The following SELENOF variants were observed in gnomAD, a reference collection of about 807,000 sequenced individuals.
SELENOF encodes selenoprotein F.
A neutral mutation model predicts 20.5 loss-of-function variants in SELENOF; 16 were observed. That is an observed-to-expected ratio of 0.78 (90% confidence interval 0.53 to 1.19). The LOEUF is 1.19. Among genes scored for constraint, SELENOF ranks in the 50% most tolerant of loss-of-function variants. The pLI is 0.00. For synonymous variants in SELENOF, 78 were observed against 74.5 expected (o/e 1.05, Z -0.24); for missense variants, 215 against 194.2 (o/e 1.11, Z -0.64).
At chr1:86,894,893 G>A (rs1217287576) in intron 2 of SELENOF, among the ~76,000 whole-genome samples, 2 of 152,008 alleles carry the variant, frequency 1.3e-5, no homozygotes, top group East Asian at 3.8e-4. Flanking sequence ...AGAAAATTAA[G>A]CTCCACTTTA....
Position 86,863,175 on chromosome 1 carries a change from A to C in SELENOF, c.*299T>G, listed in dbSNP as rs1433576340. ...AATTTAGAAATCTGTTGTTCGTAAA[A>C]CTGGACCAATTATCACAAACTATCA... On this transcript the variant is annotated 3_prime_UTR_variant, in exon 5 of 5. Coordinates refer to ENST00000331835, the MANE Select transcript of SELENOF (RefSeq NM_004261.5). 5.7e-5 allele frequency: 14 copies of C among 246,312 alleles called. No individual in the cohort carries two copies. The East Asian group carries it at 6.0e-4, about 11-fold the overall frequency. 15.3% of individuals were successfully genotyped at this position (246,312 alleles called of 1,614,324 possible).
intron 2 of SELENOF, among the ~76,000 whole-genome samples, chr1:86,898,898 G>A (rs1003567727): frequency 1.4e-4 from 21 of 151,782 alleles, no homozygotes; most frequent in Admixed American, 1.0e-3. Flanking sequence ...AGTGAACAAA[G>A]GTCTCTGGTT....
At position 86,905,773 on chromosome 1, in the gene SELENOF, G is replaced by A. The variant is rs76598392; in HGVS notation, c.85-2325C>T. ...AAGGGTATGCAAACTTTATGTGAAGGGCCAGATAATTTTGTTAGGCTTTTG... is the reference window on the plus strand; with the variant it reads ...AAGGGTATGCAAACTTTATGTGAAGAGCCAGATAATTTTGTTAGGCTTTTG... On this transcript the variant is annotated intron_variant, in intron 1 of 4. Transcript: ENST00000331835. Among the ~76,000 whole-genome samples, 954 of 152,268 alleles carry A rather than the reference G, an allele frequency of 6.3e-3. 8 individuals carry two copies. Among genetic ancestry groups the A allele is most frequent in the African/African-American group, 0.022 (913 of 41,554 alleles).
At position 86,897,548 on chromosome 1, in the gene SELENOF, T is replaced by C. The variant is rs3766014; in HGVS notation, c.252+5733A>G. On this transcript the variant is annotated intron_variant, in intron 2 of 4. Transcript: ENST00000331835. The stretch of plus-strand genomic sequence containing the variant: ...CTCTAGTAATTGAGGAATAAAGATA[T>C]AAAATATCTAGGGGACTGCTTACCT... Among the ~76,000 whole-genome samples the C allele has an allele frequency of 3.6e-3, 555 of 152,158 alleles. 14 individuals carry two copies. In the East Asian group the frequency reaches 0.089, roughly 24 times the overall value.
intron 2 of SELENOF, among the ~76,000 whole-genome samples, chr1:86,884,479 C>G (rs934099455): frequency 2.0e-5 from 3 of 152,016 alleles, no homozygotes; most frequent in Middle Eastern, 6.8e-3. Context: ...AACTTAACTA[C>G]AGATTGTAGT....
chr1:86,902,907 G>C (rs978256184), intron 2 of SELENOF, among the ~76,000 whole-genome samples: 1 of 152,142 alleles, frequency 6.6e-6, no homozygotes, highest in Non-Finnish European at 1.5e-5. Flanking sequence ...CAGGTATTAT[G>C]TGCTTTACTT....
At chr1:86,872,024 AAAAT>A (rs1658782923) in intron 3 of SELENOF, among the ~76,000 whole-genome samples, 1 of 152,210 alleles carries the variant, frequency 6.6e-6, no homozygotes, top group African/African-American at 2.4e-5. Context: ...TATACAAGAA[AAAAT>A]AGTCATCACC....
At chr1:86,899,297 T>TG (rs1165069920) in intron 2 of SELENOF, among the ~76,000 whole-genome samples, 1 of 149,904 alleles carries the variant, frequency 6.7e-6, no homozygotes, top group Non-Finnish European at 1.5e-5. Context: ...AATGAGCTGT[T>TG]GGGCATACCT....
At chr1:86,897,925 A>G (rs762241996) in intron 2 of SELENOF, among the ~76,000 whole-genome samples, 27 of 152,210 alleles carry the variant, frequency 1.8e-4, no homozygotes, top group Admixed American at 1.4e-3. Context: ...AAATGGTTGG[A>G]CAAGGAAGTT....
intron 2 of SELENOF, among the ~76,000 whole-genome samples, chr1:86,884,317 A>C (rs1364205040): frequency 6.6e-6 from 1 of 151,826 alleles, no homozygotes; most frequent in African/African-American, 2.4e-5. Flanking sequence ...TAAAAGCATT[A>C]ATCTGTGTTG....
chr1:86,911,743 T>C (rs928385426), intron 1 of SELENOF, among the ~76,000 whole-genome samples: 12 of 152,026 alleles, frequency 7.9e-5, no homozygotes, highest in African/African-American at 2.7e-4. Flanking sequence ...TAACGACTAA[T>C]TGAATTCAGA....
chr1:86,869,171 G>A (rs1199292093), intron 3 of SELENOF, among the ~76,000 whole-genome samples: 1 of 152,042 alleles, frequency 6.6e-6, no homozygotes. Context: ...CTTCCTGAAG[G>A]GTATTTAGCA....
chr1:86,867,943 T>A, intron 4 of SELENOF, 110 bp downstream of exon 4: 1 of 452,218 alleles, frequency 2.2e-6, no homozygotes, highest in Middle Eastern at 5.7e-4. Flanking sequence ...AATTGATACA[T>A]AATATTTGCA....
At chr1:86,912,418 C>G (rs1660008496) in intron 1 of SELENOF, among the ~76,000 whole-genome samples, 1 of 152,154 alleles carries the variant, frequency 6.6e-6, no homozygotes, top group South Asian at 2.1e-4. Context: ...TAAATACCTC[C>G]TATCCTGGTA....
chr1:86,905,048 C>A (rs929320008), intron 1 of SELENOF, among the ~76,000 whole-genome samples: 2 of 152,172 alleles, frequency 1.3e-5, no homozygotes, highest in African/African-American at 2.4e-5. Flanking sequence ...ATCTGCAACA[C>A]TGAAACTTAT....
intron 2 of SELENOF, among the ~76,000 whole-genome samples, chr1:86,899,058 C>T (rs1465224194): frequency 6.6e-6 from 1 of 151,870 alleles, no homozygotes; most frequent in Non-Finnish European, 1.5e-5. Context: ...CCATTTAACC[C>T]TGAGTGGACA....
At chr1:86,891,962 G>A (rs935602233) in intron 2 of SELENOF, among the ~76,000 whole-genome samples, 1 of 150,316 alleles carries the variant, frequency 6.7e-6, no homozygotes, top group Non-Finnish European at 1.5e-5. Context: ...ATGAAGTCTC[G>A]CTCTGTTGCC....
At chr1:86,899,500 G>A (rs1659618989) in intron 2 of SELENOF, among the ~76,000 whole-genome samples, 2 of 140,078 alleles carry the variant, frequency 1.4e-5, no homozygotes, top group African/African-American at 2.9e-5. Flanking sequence ...CCGGGCAGAG[G>A]CGTCCCTCAC....
At chr1:86,896,861 A>C (rs1659538767) in intron 2 of SELENOF, among the ~76,000 whole-genome samples, 1 of 152,256 alleles carries the variant, frequency 6.6e-6, no homozygotes, top group African/African-American at 2.4e-5. Flanking sequence ...ATATTTATCA[A>C]GTAGCTATGA....
Sources: allele counts gnomAD v4.1 joint callset (sites outside exome capture counted in the v4.1 genomes callset), GRCh38; gene constraint gnomAD v4.1.1; transcripts MANE v1.5; gene names NCBI Gene and HGNC (gene_info 2026-07-23, HGNC 2026-07-21).